The following C10orf105 variants were observed in gnomAD, a reference collection of about 807,000 sequenced individuals.
C10orf105 encodes the protein chromosome 10 open reading frame 105, also known as uncharacterized protein C10orf105.
A neutral mutation model predicts 0.6 loss-of-function variants in C10orf105; 2 were observed. That is an observed-to-expected ratio of 3.18 (90% confidence interval 1.30 to 10.01). C10orf105 has a LOEUF of 10.01. Ranked by LOEUF, C10orf105 falls within the 30% of genes most tolerant of loss-of-function variation. The pLI is 0.04. For missense variants in C10orf105, 209 were observed against 191.4 expected (o/e 1.09, Z -0.54); for synonymous variants, 95 against 82.4 (o/e 1.15, Z -0.83).
chr10:71,723,749 C>T (rs1034464754), upstream of C10orf105, among the ~76,000 whole-genome samples: 12 of 152,198 alleles, frequency 7.9e-5, no homozygotes, highest in Admixed American at 2.0e-4. Flanking sequence ...CTGGACCCAG[C>T]GAGCTGCAGT....
At chr10:71,725,583 G>A (rs1866775764) in intron 1 of C10orf105, 16 of 1,550,436 alleles carry the variant, frequency 1.0e-5, no homozygotes, top group African/African-American at 2.7e-5. Context: ...AGCTAGAACA[G>A]AGAAGGCCAT....
At position 71,716,005 on chromosome 10, in the gene C10orf105, A is replaced by G; in HGVS notation, c.333T>C (p.Pro111=). 2 of 1,500,472 alleles carry G rather than the reference A, an allele frequency of 1.3e-6. No homozygotes were observed. The highest frequency in any genetic ancestry group is 1.8e-6 in the Non-Finnish European group (2 of 1,124,068). The allele number at this position is 1,500,472 out of a possible 1,614,324, so 92.9% of individuals were successfully genotyped here. ...CCTCGGGGCCCGGCAGGGGCTGTCG[A>G]GGGACGGTGGGCCGGCCATGGCGGA... ...HSFRHGRPTV[P]RQPLPGPEDN... Residue 111 remains proline, a synonymous_variant, in exon 2 of 2, where the codon CCT becomes CCC. Coordinates refer to ENST00000441508, the MANE Select transcript of C10orf105 (RefSeq NM_001164375.3).
chr10:71,711,982 T>G lies in C10orf105; in HGVS notation c.*3954A>C, dbSNP rs894808657. The G allele has an allele frequency of 6.6e-6, 1 of 152,238 alleles. No individual in the cohort carries two copies. The highest frequency in any genetic ancestry group is 2.4e-5 in the African/African-American group (1 of 41,436). 9.4% of individuals were successfully genotyped at this position (152,238 alleles called of 1,614,324 possible). A position where few individuals can be genotyped will look rare whatever the true frequency, so the allele number is the denominator to read the frequency against. On this transcript the variant is annotated 3_prime_UTR_variant, in exon 2 of 2. Coordinates refer to ENST00000441508, the MANE Select transcript of C10orf105 (RefSeq NM_001164375.3). ...AACTTAAAACAGCAGAAGTGTATTCTCTCCTGGTTCTCAAGGCCAGAAGTT... is the reference window on the plus strand; with the variant it reads ...AACTTAAAACAGCAGAAGTGTATTCGCTCCTGGTTCTCAAGGCCAGAAGTT...
At chr10:71,734,513 G>T (rs912027610) in intron 1 of C10orf105, 189 of 1,590,740 alleles carry the variant, frequency 1.2e-4, no homozygotes, top group Admixed American at 4.0e-4. Flanking sequence ...AGCAGGTTGG[G>T]CTAGGATGAG....
At chr10:71,733,059 A>G (rs1352446114) in intron 1 of C10orf105, among the ~76,000 whole-genome samples, 1 of 150,756 alleles carries the variant, frequency 6.6e-6, no homozygotes, top group Non-Finnish European at 1.5e-5. Context: ...TGTTTGACCC[A>G]TGCTTCTGAC....
Position 71,713,089 on chromosome 10 carries a change from C to G in C10orf105, c.*2847G>C, listed in dbSNP as rs1488901585. 3 of 760,904 alleles carry G rather than the reference C, an allele frequency of 3.9e-6. No individual in the cohort carries two copies. Among genetic ancestry groups the G allele is most frequent in the African/African-American group, 1.7e-5 (1 of 58,624 alleles). The allele number at this position is 760,904 out of a possible 1,614,324, so 47.1% of individuals were successfully genotyped here. ...TCCCCCTGCATATCTCCCGCCCCACCCAGAAGGGCCTTTCAGAGTAGCGGG... is the reference window on the plus strand; with the variant it reads ...TCCCCCTGCATATCTCCCGCCCCACGCAGAAGGGCCTTTCAGAGTAGCGGG... On this transcript the variant is annotated 3_prime_UTR_variant, in exon 2 of 2. Coordinates refer to ENST00000441508, the MANE Select transcript of C10orf105 (RefSeq NM_001164375.3).
chr10:71,715,831 C>G lies in C10orf105; in HGVS notation c.*105G>C. On this transcript the variant is annotated 3_prime_UTR_variant, in exon 2 of 2. Coordinates refer to ENST00000441508, the MANE Select transcript of C10orf105 (RefSeq NM_001164375.3). The stretch of plus-strand genomic sequence containing the variant: ...TCGGGGGGTGAGTGTGTGTCCCAGA[C>G]TGCTTGGGCCACTGTCTTCCTGCAG... 1 of 1,179,842 alleles carries G rather than the reference C, an allele frequency of 8.5e-7. No individual in the cohort carries two copies. Among genetic ancestry groups the G allele is most frequent in the Non-Finnish European group, 1.1e-6 (1 of 870,580 alleles). The allele number at this position is 1,179,842 out of a possible 1,614,324, so 73.1% of individuals were successfully genotyped here. A position where few individuals can be genotyped will look rare whatever the true frequency, so the allele number is the denominator to read the frequency against.
At chr10:71,729,171 T>C (rs771587850) in intron 1 of C10orf105, among the ~76,000 whole-genome samples, 1 of 152,154 alleles carries the variant, frequency 6.6e-6, no homozygotes, top group Non-Finnish European at 1.5e-5. Flanking sequence ...ACGTTCATGA[T>C]GTACAGTGCA....
chr10:71,737,588 G>GT (rs1839601833), intron 1 of C10orf105: 1 of 428,156 alleles, frequency 2.3e-6, no homozygotes, highest in African/African-American at 2.0e-5. Flanking sequence ...GGACCTGGGA[G>GT]CCCCTGAACC....
upstream of C10orf105, among the ~76,000 whole-genome samples, chr10:71,722,183 G>A (rs1866588524): frequency 2.0e-5 from 3 of 152,236 alleles, no homozygotes; most frequent in Non-Finnish European, 1.5e-5. Flanking sequence ...GCTCATGCCT[G>A]TAATCCCACC....
intron 1 of C10orf105, chr10:71,730,668 G>A: frequency 6.3e-7 from 1 of 1,596,088 alleles, no homozygotes; most frequent in Non-Finnish European, 8.5e-7. Context: ...AGCTCACCCA[G>A]CCCCTCCTTC....
chr10:71,734,334 C>G, intron 1 of C10orf105: 1 of 1,607,812 alleles, frequency 6.2e-7, no homozygotes, highest in Non-Finnish European at 8.5e-7. Flanking sequence ...AAGGTGGACT[C>G]CACCGTGGTG....
At chr10:71,720,764 T>C (rs928187577), upstream of C10orf105, among the ~76,000 whole-genome samples, 6 of 152,202 alleles carry the variant, frequency 3.9e-5, no homozygotes, top group Admixed American at 3.9e-4. Context: ...TCAGGGGTCA[T>C]CTAACTCCTC....
chr10:71,731,881 T>C, intron 1 of C10orf105: 2 of 1,236,332 alleles, frequency 1.6e-6, no homozygotes, highest in Non-Finnish European at 2.2e-6. Flanking sequence ...GGGCAGCCCA[T>C]GCTGGGTGGG....
upstream of C10orf105, among the ~76,000 whole-genome samples, chr10:71,724,329 G>C (rs543792343): frequency 3.3e-5 from 5 of 152,334 alleles, no homozygotes; most frequent in East Asian, 9.7e-4. Flanking sequence ...GTCTCCCTCT[G>C]TCGCCCAGGC....
At position 71,713,165 on chromosome 10, in the gene C10orf105, G is replaced by A. The variant is rs746996925; in HGVS notation, c.*2771C>T. 2.1e-5 allele frequency: 16 copies of A among 779,166 alleles called. No individual in the cohort carries two copies. The highest frequency in any genetic ancestry group is 1.3e-4 in the South Asian group (10 of 74,526). The allele number at this position is 779,166 out of a possible 1,614,324, so 48.3% of individuals were successfully genotyped here. ...GAAAGGAGTTGAGAAGAGAGCCAGG[G>A]CCCAGCAAGGCCCAGAACAGAGCTG... On this transcript the variant is annotated 3_prime_UTR_variant, in exon 2 of 2. Coordinates refer to ENST00000441508, the MANE Select transcript of C10orf105 (RefSeq NM_001164375.3).
upstream of C10orf105, among the ~76,000 whole-genome samples, chr10:71,721,675 G>C (rs554930110): frequency 6.6e-6 from 1 of 152,094 alleles, no homozygotes; most frequent in Non-Finnish European, 1.5e-5. Context: ...CACACTTACC[G>C]CAGTGCCCGG....
At chr10:71,720,420 AACACACACAC>A (rs57346519), upstream of C10orf105, among the ~76,000 whole-genome samples, 16 of 145,750 alleles carry the variant, frequency 1.1e-4, no homozygotes, top group Admixed American at 2.7e-4. Flanking sequence ...CTCTTTCCAA[AACACACACAC>A]ACACACACAC....
rs747086873 is a variant in C10orf105, at chr10:71,734,339, G to A, written c.-6+3389C>T. Reference sequence around the variant, plus strand: ...CGGCGGCCCCAAGGTGGACTCCACCGTGGTGAGTGGGACCAGGGTGAGAGT... The same window carrying A: ...CGGCGGCCCCAAGGTGGACTCCACCATGGTGAGTGGGACCAGGGTGAGAGT... On this transcript the variant is annotated intron_variant, in intron 1 of 1. Transcript: ENST00000398786. The A allele has an allele frequency of 5.6e-6, 9 of 1,604,584 alleles. No individual in the cohort carries two copies. The highest frequency in any genetic ancestry group is 1.3e-5 in the African/African-American group (1 of 74,934).
Sources: allele counts gnomAD v4.1 joint callset (sites outside exome capture counted in the v4.1 genomes callset), GRCh38; gene constraint gnomAD v4.1.1; transcripts MANE v1.5; gene names NCBI Gene and HGNC (gene_info 2026-07-23, HGNC 2026-07-21).